MICAL2: variants seen among roughly 807,000 people sequenced by gnomAD.
The protein encoded by MICAL2 is microtubule associated monooxygenase, calponin and LIM domain containing 2.
In MICAL2, 77 loss-of-function variants were observed where a neutral mutation model predicts 127.3. That is an observed-to-expected ratio of 0.60 (90% CI 0.50 to 0.73). MICAL2 has a LOEUF of 0.73. MICAL2 is among the 30% of genes least tolerant of loss of function. MICAL2 has a pLI of 0.00. For synonymous variants in MICAL2, 570 were observed against 551.1 expected (o/e 1.03, Z -0.48); for missense variants, 1,351 against 1,434.4 (o/e 0.94, Z 0.94).
At chr11:12,148,634 T>C (rs1181540688) in intron 2 of MICAL2, among the ~76,000 whole-genome samples, 1 of 152,208 alleles carries the variant, frequency 6.6e-6, no homozygotes, top group Non-Finnish European at 1.5e-5. Flanking sequence ...TGATTGTATC[T>C]ACCAGTGGTG....
rs555218297 is a variant in MICAL2, at chr11:12,278,617, G to A, written c.88-2316G>A. On this transcript the variant is annotated intron_variant, in intron 1 of 2. Transcript: ENST00000529028. The stretch of plus-strand genomic sequence containing the variant: ...CAGTTTTCACAGATCAGCAGGCCTC[G>A]CTTTGGGGAATGGATGAAGCAGGCG... Among the ~76,000 whole-genome samples the A allele has an allele frequency of 1.8e-4, 27 of 152,316 alleles. 1 individual carries two copies. Among genetic ancestry groups the A allele is most frequent in the East Asian group, 7.7e-4 (4 of 5,190 alleles).
intron 34 of MICAL2, among the ~76,000 whole-genome samples, chr11:12,356,140 T>C (rs570081815): frequency 6.6e-6 from 1 of 152,140 alleles, no homozygotes; most frequent in South Asian, 2.1e-4. Flanking sequence ...TGATTCTTTT[T>C]AAAAAAATTC....
At chr11:12,152,085 T>G (rs1334169605) in intron 2 of MICAL2, among the ~76,000 whole-genome samples, 2 of 149,186 alleles carry the variant, frequency 1.3e-5, no homozygotes, top group African/African-American at 5.0e-5. Context: ...GCCAGGAGTT[T>G]GAGACCACCC....
chr11:12,213,527 A>T, intron 7 of MICAL2, 117 bp downstream of exon 7: 3 of 992,668 alleles, frequency 3.0e-6, no homozygotes, highest in Non-Finnish European at 2.9e-6. Context: ...TCACTCTGAT[A>T]GAGTGGAAGC....
At chr11:12,218,314 C>T (rs1856429127) in intron 8 of MICAL2, among the ~76,000 whole-genome samples, 1 of 152,190 alleles carries the variant, frequency 6.6e-6, no homozygotes, top group African/African-American at 2.4e-5. Context: ...ATTCTGTCCT[C>T]CTGTCCTTGT....
chr11:12,164,224 T>G (rs1169528889), intron 3 of MICAL2, among the ~76,000 whole-genome samples: 1 of 152,220 alleles, frequency 6.6e-6, no homozygotes, highest in South Asian at 2.1e-4. Context: ...GCTTCTGTGA[T>G]GCAAAGGGAA....
intron 8 of MICAL2, 25 bp from the exon 9 acceptor site, chr11:12,220,176 T>A (rs761019463): frequency 6.2e-7 from 1 of 1,613,344 alleles, no homozygotes; most frequent in Non-Finnish European, 8.5e-7. Flanking sequence ...GGGAGGTTGC[T>A]GCACCATGTT....
intron 6 of MICAL2, among the ~76,000 whole-genome samples, chr11:12,211,714 C>T (rs1265016660): frequency 6.6e-6 from 1 of 152,122 alleles, no homozygotes; most frequent in South Asian, 2.1e-4. Flanking sequence ...GTACCAAGTT[C>T]AAGAGGCCAA....
At chr11:12,201,870 G>A (rs1306663016) in intron 3 of MICAL2, among the ~76,000 whole-genome samples, 1 of 152,206 alleles carries the variant, frequency 6.6e-6, no homozygotes, top group Non-Finnish European at 1.5e-5. Context: ...TGCAATCCCA[G>A]CACTCTGGGA....
At position 12,276,171 on chromosome 11, in the gene MICAL2, G is replaced by A. The variant is rs762868299; in HGVS notation, c.87+5G>A. The A allele has an allele frequency of 4.5e-5, 18 of 399,132 alleles. No homozygotes were observed. In the Admixed American group the frequency reaches 6.6e-4, roughly 15 times the overall value. The allele number at this position is 399,132 out of a possible 1,614,324, so 24.7% of individuals were successfully genotyped here. On this transcript the variant is annotated splice_donor_5th_base_variant and intron_variant, in intron 1 of 2. Coordinates refer to the MICAL2 transcript ENST00000529028. ...GGTCACCAGCGAAGACAGCAGGTAT[G>A]CTCAGGCTGCTGCCAGATGGGGACA...
At chr11:12,209,693 C>T in intron 6 of MICAL2, 95 bp downstream of exon 6, 1 of 1,116,728 alleles carries the variant, frequency 9.0e-7, no homozygotes, top group Non-Finnish European at 1.4e-6. Context: ...GATGCAGATG[C>T]CAGAGCTGGA....
intron 13 of MICAL2, 69 bp downstream of exon 13, chr11:12,224,889 C>G: frequency 6.7e-7 from 1 of 1,484,074 alleles, no homozygotes; most frequent in Middle Eastern, 1.8e-4. Flanking sequence ...CATGCAGAAT[C>G]TTCATTACTT....
chr11:12,196,692 A>G (rs1321375584), intron 3 of MICAL2, among the ~76,000 whole-genome samples: 1 of 152,158 alleles, frequency 6.6e-6, no homozygotes, highest in Non-Finnish European at 1.5e-5. Context: ...CAATTGTCCT[A>G]AAGTAGCACC....
intron 25 of MICAL2, 159 bp from the exon 26 acceptor site, chr11:12,259,636 G>A (rs1163886911): frequency 2.0e-5 from 12 of 591,576 alleles, no homozygotes; most frequent in Middle Eastern, 4.3e-4. Flanking sequence ...AAAAGTGCCC[G>A]TGTTCAGCAC....
At chr11:12,272,937 C>T (rs1422058339), upstream of MICAL2, among the ~76,000 whole-genome samples, 1 of 152,222 alleles carries the variant, frequency 6.6e-6, no homozygotes, top group East Asian at 1.9e-4. Context: ...CAAGCCTTGC[C>T]GCCAAGCCTC....
chr11:12,136,653 G>A (rs1851862267), intron 1 of MICAL2, among the ~76,000 whole-genome samples: 1 of 152,116 alleles, frequency 6.6e-6, no homozygotes, highest in Non-Finnish European at 1.5e-5. Context: ...GAAGGTATTG[G>A]GCTCTAGGAC....
At chr11:12,201,029 T>A (rs997014578) in intron 3 of MICAL2, among the ~76,000 whole-genome samples, 4 of 152,194 alleles carry the variant, frequency 2.6e-5, no homozygotes, top group Non-Finnish European at 5.9e-5. Flanking sequence ...GTGTCGGGGC[T>A]TGGAGTCGTG....
At chr11:12,343,679 A>G (rs1660668957) in intron 32 of MICAL2, among the ~76,000 whole-genome samples, 1 of 152,220 alleles carries the variant, frequency 6.6e-6, no homozygotes. Flanking sequence ...AAAATGCTCT[A>G]AAGACAGCAA....
chr11:12,213,890 A>G (rs1855825580), intron 7 of MICAL2, among the ~76,000 whole-genome samples: 1 of 152,186 alleles, frequency 6.6e-6, no homozygotes, highest in South Asian at 2.1e-4. Context: ...CCCTTCCCCA[A>G]GAAGGACATC....
Sources: allele counts gnomAD v4.1 joint callset (sites outside exome capture counted in the v4.1 genomes callset), GRCh38; gene constraint gnomAD v4.1.1; transcripts MANE v1.5; gene names NCBI Gene and HGNC (gene_info 2026-07-23, HGNC 2026-07-21).